AP2A2: variants seen among roughly 807,000 people sequenced by gnomAD.
The protein encoded by AP2A2 is AP-2 complex subunit alpha-2.
AP2A2 carries 32 observed loss-of-function variants against 104.2 expected under a neutral mutation model. That is an observed-to-expected ratio of 0.31 (90% CI 0.23 to 0.41). The LOEUF is 0.41. AP2A2 is among the 10% of genes least tolerant of loss of function. The probability of loss-of-function intolerance (pLI) is 1.00; values close to 1 mark genes in which losing one functional copy is unlikely to be tolerated. For missense variants in AP2A2, 912 were observed against 1,261.0 expected (o/e 0.72, Z 4.19); for synonymous variants, 539 against 533.3 (o/e 1.01, Z -0.15).
At chr11:954,368 G>A (rs550067395) in intron 1 of AP2A2, among the ~76,000 whole-genome samples, 34 of 152,182 alleles carry the variant, frequency 2.2e-4, no homozygotes, top group African/African-American at 7.9e-4. Flanking sequence ...GTGTGTATGC[G>A]TATATTTGTA....
At chr11:974,760 G>A (rs184653804) in intron 4 of AP2A2, among the ~76,000 whole-genome samples, 345 of 151,852 alleles carry the variant, frequency 2.3e-3, no homozygotes, top group Non-Finnish European at 4.2e-3. Flanking sequence ...GCTGAGACGG[G>A]CAGATCATGA....
chr11:998,014 T>C (rs891008736), intron 14 of AP2A2, among the ~76,000 whole-genome samples: 2 of 152,282 alleles, frequency 1.3e-5, no homozygotes, highest in African/African-American at 4.8e-5. Flanking sequence ...CCATTTGGGC[T>C]GCAGGTGCAT....
chr11:941,353 C>T (rs530798055), intron 1 of AP2A2, among the ~76,000 whole-genome samples: 1 of 152,298 alleles, frequency 6.6e-6, no homozygotes, highest in African/African-American at 2.4e-5. Context: ...ATTGTTTCTA[C>T]ACACATGCCC....
intron 15 of AP2A2, among the ~76,000 whole-genome samples, chr11:1,003,307 C>G (rs145963003): frequency 4.3e-4 from 65 of 152,336 alleles, no homozygotes; most frequent in African/African-American, 1.4e-3. Context: ...GCGTGTGCAT[C>G]AGCGGGGAGC....
chr11:948,807 C>T (rs1166643380), intron 1 of AP2A2, among the ~76,000 whole-genome samples: 3 of 151,824 alleles, frequency 2.0e-5, no homozygotes, highest in African/African-American at 7.3e-5. Context: ...GTAGAGGTTG[C>T]AGTGAGCCAA....
In AP2A2 at chr11:993,276, C is replaced by A. The variant is rs768113064; in HGVS notation, c.1453-8C>A. On this transcript the variant is annotated splice_polypyrimidine_tract_variant and splice_region_variant and intron_variant, in intron 11 of 21. Coordinates refer to ENST00000448903, the MANE Select transcript of AP2A2 (RefSeq NM_012305.4). The surrounding 1 kb of genome is among the most constrained non-coding windows in gnomAD (Gnocchi z 8.2). ...CTGCCACCCCGGCTCATTGTTTGTG[C>A]TTCGCAGGCTCTTCAGGCTCCCGCG... 1.9e-6 allele frequency: 3 copies of A among 1,601,896 alleles called. 1 individual carries two copies. In the South Asian group the frequency reaches 3.4e-5, roughly 18 times the overall value.
intron 1 of AP2A2, among the ~76,000 whole-genome samples, chr11:927,043 C>G (rs1416268096): frequency 6.6e-6 from 1 of 152,182 alleles, no homozygotes; most frequent in Non-Finnish European, 1.5e-5. Flanking sequence ...CCTTGTTATC[C>G]AGCAAATAGT....
At chr11:945,367 C>T (rs1424810803) in intron 1 of AP2A2, among the ~76,000 whole-genome samples, 1 of 152,150 alleles carries the variant, frequency 6.6e-6, no homozygotes, top group Admixed American at 6.5e-5. Context: ...TGGAATCTCT[C>T]TCGTCACCCA....
At chr11:936,074 T>A (rs1853449098) in intron 1 of AP2A2, among the ~76,000 whole-genome samples, 1 of 150,088 alleles carries the variant, frequency 6.7e-6, no homozygotes. Context: ...CCTAATTTTT[T>A]TTTTTTTTAT....
chr11:995,107 A>G (rs547645721), intron 14 of AP2A2, among the ~76,000 whole-genome samples: 2 of 152,304 alleles, frequency 1.3e-5, no homozygotes, highest in East Asian at 3.9e-4. Flanking sequence ...TGTCCAGCTC[A>G]GCTCACACAT....
At chr11:991,837 C>A (rs138145198) in intron 10 of AP2A2, among the ~76,000 whole-genome samples, 27 of 152,094 alleles carry the variant, frequency 1.8e-4, no homozygotes, top group African/African-American at 6.3e-4. Context: ...TGCCTGCTGG[C>A]GTTGGTGTTG....
At chr11:939,996 C>T (rs1300002202) in intron 1 of AP2A2, among the ~76,000 whole-genome samples, 10 of 139,126 alleles carry the variant, frequency 7.2e-5, no homozygotes, top group Non-Finnish European at 3.0e-5. Context: ...CACTCTGTCA[C>T]CCAGGCTGTA....
chr11:979,943 T>A (rs1387555184), intron 5 of AP2A2, among the ~76,000 whole-genome samples: 1 of 152,254 alleles, frequency 6.6e-6, no homozygotes, highest in Non-Finnish European at 1.5e-5. Context: ...TTTAAAAAAA[T>A]TTATGGGAGA....
intron 1 of AP2A2, among the ~76,000 whole-genome samples, chr11:939,330 T>C (rs1224381796): frequency 6.6e-6 from 1 of 152,040 alleles, no homozygotes; most frequent in Non-Finnish European, 1.5e-5. Flanking sequence ...CCTGAGTGAA[T>C]TATTTTCATT....
intron 17 of AP2A2, 196 bp downstream of exon 17, chr11:1,006,813 A>G: frequency 1.7e-6 from 1 of 572,248 alleles, no homozygotes; most frequent in Non-Finnish European, 3.1e-6. Flanking sequence ...TCCATATTGG[A>G]GAGCCAGCTT....
At chr11:933,315 C>A (rs1180078061) in intron 1 of AP2A2, among the ~76,000 whole-genome samples, 1 of 152,200 alleles carries the variant, frequency 6.6e-6, no homozygotes, top group African/African-American at 2.4e-5. Flanking sequence ...TTTTACCAGG[C>A]CACATGATGT....
chr11:995,047 C>T (rs1360784823), intron 14 of AP2A2, among the ~76,000 whole-genome samples: 1 of 152,202 alleles, frequency 6.6e-6, no homozygotes, highest in Non-Finnish European at 1.5e-5. Context: ...TGTCCTCTCC[C>T]GGGGGCCACT....
At chr11:943,472 C>T (rs891676493) in intron 1 of AP2A2, among the ~76,000 whole-genome samples, 1 of 152,196 alleles carries the variant, frequency 6.6e-6, no homozygotes, top group Admixed American at 6.5e-5. Flanking sequence ...GGTGTGGCAC[C>T]GGGCTGTCTG....
chr11:934,298 T>C (rs1188296111), intron 1 of AP2A2, among the ~76,000 whole-genome samples: 1 of 152,152 alleles, frequency 6.6e-6, no homozygotes, highest in East Asian at 1.9e-4. Context: ...TATATTTATA[T>C]TTAAAATTTA....
Sources: allele counts gnomAD v4.1 joint callset (sites outside exome capture counted in the v4.1 genomes callset), GRCh38; gene constraint gnomAD v4.1.1; non-coding constraint Gnocchi (gnomAD v3.1); transcripts MANE v1.5; gene names NCBI Gene and HGNC (gene_info 2026-07-23, HGNC 2026-07-21).